The following IARS1 variants were observed in gnomAD, a reference collection of about 807,000 sequenced individuals.
IARS1 encodes the protein isoleucine--tRNA ligase, cytoplasmic.
In IARS1, 124 loss-of-function variants were observed where a neutral mutation model predicts 168.2. The observed-to-expected ratio is 0.74, with a 90% CI of 0.64 to 0.86. The LOEUF (loss-of-function observed/expected upper bound fraction) is 0.86, where lower values mean the gene tolerates loss of function less well. Ranked by LOEUF, IARS1 falls within the 40% of genes least tolerant of loss-of-function variation. IARS1 has a pLI of 0.00. For missense variants in IARS1, 1,452 were observed against 1,515.8 expected, an observed-to-expected ratio of 0.96 and a Z score of 0.70; for synonymous variants, 532 against 529.4, an observed-to-expected ratio of 1.00 and a Z score of -0.07.
intron 31 of IARS1, among the ~76,000 whole-genome samples, chr9:92,223,697 A>G (rs752302372): frequency 6.6e-6 from 1 of 152,248 alleles, no homozygotes; most frequent in African/African-American, 2.4e-5. Flanking sequence ...AACAAACATC[A>G]TAATATTCAT....
intron 30 of IARS1, chr9:92,240,453 A>C: frequency 5.8e-6 from 3 of 518,078 alleles, no homozygotes; most frequent in Non-Finnish European, 1.0e-5. Flanking sequence ...TAGTAGAGAC[A>C]GGGTTTCACC....
intron 31 of IARS1, among the ~76,000 whole-genome samples, chr9:92,226,075 T>C (rs1825627732): frequency 6.6e-6 from 1 of 152,222 alleles, no homozygotes; most frequent in Non-Finnish European, 1.5e-5. Flanking sequence ...CTACCGTGAC[T>C]TTAGGCAGAG....
chr9:92,265,114 G>T lies in IARS1; in HGVS notation c.1515C>A (p.His505Gln). ...TCCCACAGCGTGAAGGAATGGTCAG[G>T]TGGTCAACACTAACAAACAGAAAAG... Reference protein sequence around the residue: ...ISDLHRESVDHLTIPSRCGKG... With the variant: ...ISDLHRESVDQLTIPSRCGKG... Residue 505 changes from histidine (H) to glutamine (Q), a missense_variant, in exon 16 of 34, where the codon CAC becomes CAA. Coordinates refer to ENST00000443024, the MANE Select transcript of IARS1 (RefSeq NM_002161.6). 6.2e-7 allele frequency: 1 copy of T among 1,612,466 alleles called. No individual in the cohort carries two copies. The highest frequency in any genetic ancestry group is 8.5e-7 in the Non-Finnish European group (1 of 1,179,348).
At chr9:92,271,384 G>C in intron 11 of IARS1, 149 bp downstream of exon 11, 2 of 1,006,754 alleles carry the variant, frequency 2.0e-6, no homozygotes, top group Non-Finnish European at 3.0e-6. Context: ...CCCTCTGAAC[G>C]TAACTGATAA....
intron 26 of IARS1, among the ~76,000 whole-genome samples, chr9:92,246,568 AT>A (rs1164955087): frequency 6.6e-6 from 1 of 152,172 alleles, no homozygotes; most frequent in African/African-American, 2.4e-5. Flanking sequence ...TATAACACTT[AT>A]CAAAACCATA....
chr9:92,254,306 C>T (rs1177373024), intron 20 of IARS1, among the ~76,000 whole-genome samples: 2 of 152,160 alleles, frequency 1.3e-5, no homozygotes, highest in African/African-American at 2.4e-5. Flanking sequence ...TTTAAGGATT[C>T]TCATTCACCT....
chr9:92,263,623 G>A (rs555308766), intron 16 of IARS1, among the ~76,000 whole-genome samples: 5 of 152,142 alleles, frequency 3.3e-5, no homozygotes, highest in Non-Finnish European at 7.3e-5. Flanking sequence ...GAACATCAAG[G>A]GACATGAGCT....
intron 7 of IARS1, 86 bp downstream of exon 7, chr9:92,280,660 G>T: frequency 1.3e-6 from 1 of 765,390 alleles, no homozygotes; most frequent in Non-Finnish European, 2.0e-6. Flanking sequence ...TATTCTTCAT[G>T]CAAAAAGAAA....
At chr9:92,242,364 G>A (rs1400105134) in intron 28 of IARS1, 34 bp from the exon 29 acceptor site, 3 of 1,553,156 alleles carry the variant, frequency 1.9e-6, no homozygotes, top group African/African-American at 1.4e-5. Flanking sequence ...TAAAAGGGAA[G>A]TACATTCTAT....
chr9:92,240,991 A>G, intron 29 of IARS1, 30 bp from the exon 30 acceptor site: 1 of 1,351,110 alleles, frequency 7.4e-7, no homozygotes. Flanking sequence ...TGACTGAGTA[A>G]CTGTGGCACC....
At chr9:92,292,372 GTC>G (rs1454772666) in intron 1 of IARS1, 1 of 152,372 alleles carries the variant, frequency 6.6e-6, no homozygotes, top group Non-Finnish European at 1.5e-5. Flanking sequence ...TTTTTAGGGA[GTC>G]TCTACTTTCC....
chr9:92,240,884 A>C lies in IARS1; in HGVS notation c.3255T>G (p.Leu1085=), dbSNP rs1181526606. The C allele has an allele frequency of 6.2e-7, 1 of 1,612,268 alleles. No homozygotes were observed. Among genetic ancestry groups the C allele is most frequent in the South Asian group, 1.1e-5 (1 of 91,022 alleles). The change falls in exon 30 of 34, where the codon CTT becomes CTG. Residue 1085 remains leucine, a synonymous_variant. Coordinates refer to ENST00000443024, the MANE Select transcript of IARS1 (RefSeq NM_002161.6). ...GTTCACTGCCATTTGCACAAATGTT[A>C]AGATTGACATATGCACAAGCAGGAC... The part of the protein sequence containing the change: ...LPGPACAYVN[L]NICANGSEQG...
intron 33 of IARS1, among the ~76,000 whole-genome samples, chr9:92,213,504 G>A (rs975307849): frequency 5.9e-5 from 9 of 152,176 alleles, no homozygotes; most frequent in African/African-American, 1.9e-4. Flanking sequence ...ATGTGACCAC[G>A]GAGTCAGAGA....
Position 92,288,262 on chromosome 9 carries a change from G to C in IARS1, c.140C>G (p.Pro47Arg). ...GTGAGGCAGTCCAGTTGCAAAAGGA[G>C]GACCATCATAGAAGGTAAATCTAAC... Reference protein sequence around the residue: ...HKPKFTFYDGPPFATGLPHYG... With the variant: ...HKPKFTFYDGRPFATGLPHYG... The change falls in exon 3 of 34, where the codon CCT (proline) becomes CGT (arginine). Residue 47 changes from proline to arginine, a missense_variant. Transcript: ENST00000443024. 6.2e-7 allele frequency: 1 copy of C among 1,613,838 alleles called. No individual in the cohort carries two copies. The highest frequency in any genetic ancestry group is 8.5e-7 in the Non-Finnish European group (1 of 1,179,920).
intron 31 of IARS1, 129 bp downstream of exon 31, chr9:92,228,872 A>G: frequency 1.0e-6 from 1 of 989,928 alleles, no homozygotes. Context: ...GCACTGCTGA[A>G]GAGTTGGGCC....
Position 92,251,823 on chromosome 9 carries a change from A to G in IARS1, c.2292T>C (p.Ser764=), listed in dbSNP as rs1830046600. The G allele has an allele frequency of 6.2e-7, 1 of 1,613,692 alleles. No homozygotes were observed. Among genetic ancestry groups the G allele is most frequent in the South Asian group, 1.1e-5 (1 of 91,082 alleles). Residue 764 remains serine, a synonymous_variant, in exon 22 of 34, where the codon TCT becomes TCC. Transcript: ENST00000443024. ...ALETLFSVLL[S]LCRLMAPYTP... is the part of the protein sequence containing the mutation. ...ATCATCTTACCATAAGTCTGCAAAG[A>G]GAAAGCAGAACACTAAACAAGGTTT...
chr9:92,222,577 C>A lies in IARS1; in HGVS notation c.3649G>T (p.Val1217Leu). The change falls in exon 33 of 34, where the codon GTG becomes TTG. Residue 1217 changes from valine to leucine, a missense_variant. By Grantham distance (32) the Val-to-Leu change is conservative (BLOSUM62 1). Coordinates refer to ENST00000443024, the MANE Select transcript of IARS1 (RefSeq NM_002161.6). The stretch of plus-strand genomic sequence containing the variant: ...AGCTTCCTGCTCCGAAGGCCAAACA[C>A]CTTGGCTGCTTCATACAGAAGACCT... ...HQGLLYEAAK[V>L]FGLRSRKLKL... 6.2e-7 allele frequency: 1 copy of A among 1,614,118 alleles called. No homozygotes were observed. The highest frequency in any genetic ancestry group is 2.2e-5 in the East Asian group (1 of 44,874).
chr9:92,288,117 C>A lies in IARS1; in HGVS notation c.276+9G>T. On this transcript the variant is annotated intron_variant, in intron 3 of 33. Transcript: ENST00000443024. The stretch of plus-strand genomic sequence containing the variant: ...TCAGAAAATTATAAAGCTGGATACT[C>A]AAACATACCACAGGTAAGCCATGGC... 1 of 1,610,282 alleles carries A rather than the reference C, an allele frequency of 6.2e-7. No homozygotes were observed. Among genetic ancestry groups the A allele is most frequent in the South Asian group, 1.1e-5 (1 of 90,060 alleles).
rs1295538036 is a variant in IARS1 at position 92,286,532 on chromosome 9, C to T, written c.479+4G>A. 2.7e-6 allele frequency: 4 copies of T among 1,507,720 alleles called. No individual in the cohort carries two copies. Among genetic ancestry groups the T allele is most frequent in the Non-Finnish European group, 3.7e-6 (4 of 1,085,018 alleles). 93.4% of individuals were successfully genotyped at this position (1,507,720 alleles called of 1,614,324 possible). A position where few individuals can be genotyped will look rare whatever the true frequency, so the allele number is the denominator to read the frequency against. On this transcript the variant is annotated splice_donor_region_variant and intron_variant, in intron 5 of 33. Coordinates refer to ENST00000443024, the MANE Select transcript of IARS1 (RefSeq NM_002161.6). ...ACCATATTTACAATTTTAAATAAAC[C>T]TACCAGACTGATTCCATGAATTGTG...
Sources: gnomAD v4.1 joint callset for allele counts (sites outside exome capture counted in the v4.1 genomes callset) on GRCh38, gnomAD v4.1.1 for gene constraint, MANE v1.5 for transcripts, NCBI Gene and HGNC (gene_info 2026-07-23, HGNC 2026-07-21) for gene names.